The following CFAP61 variants were observed in gnomAD, a reference collection of about 807,000 sequenced individuals.
CFAP61 encodes the protein cilia and flagella associated protein 61.
Under a neutral mutation model 135.6 loss-of-function variants are expected in CFAP61, and 107 were observed. The ratio of observed to expected loss-of-function variants is 0.79; its 90% CI spans 0.67 to 0.93. The LOEUF (loss-of-function observed/expected upper bound fraction) is 0.93, where lower values mean the gene tolerates loss of function less well. Among genes scored for constraint, CFAP61 ranks in the 40% least tolerant of loss-of-function variants. The probability of loss-of-function intolerance (pLI) is 0.00; values close to 1 mark genes in which losing one functional copy is unlikely to be tolerated. For missense variants in CFAP61, 1,507 were observed against 1,556.2 expected, an observed-to-expected ratio of 0.97 and a Z score of 0.53; for synonymous variants, 575 against 578.5, an observed-to-expected ratio of 0.99 and a Z score of 0.09.
intron 20 of CFAP61, among the ~76,000 whole-genome samples, chr20:20,257,405 A>G (rs2051700264): frequency 6.6e-6 from 1 of 152,198 alleles, no homozygotes; most frequent in South Asian, 2.1e-4. Flanking sequence ...ACTTGAGGTC[A>G]GGAGTTCGAG....
At position 20,142,901 on chromosome 20, in the gene CFAP61, G is replaced by T; in HGVS notation, c.904G>T (p.Glu302Ter). 6.2e-7 allele frequency: 1 copy of T among 1,604,580 alleles called. No individual in the cohort carries two copies. The highest frequency in any genetic ancestry group is 8.5e-7 in the Non-Finnish European group (1 of 1,175,028). ...SSSQGSQKIV[E>*]ELQEPVSPDT... ...CAGCCAAGGTTCCCAAAAAATAGTC[G>T]AGGAGTTGCAGGAACCTGTCTCTCC... The change falls in exon 9 of 27, where the codon GAG becomes TAG. Residue 302 changes from glutamate to a stop codon, truncating the protein, a stop_gained. Coordinates refer to ENST00000245957, the MANE Select transcript of CFAP61 (RefSeq NM_015585.4). LOFTEE classifies it high-confidence loss of function.
intron 25 of CFAP61, among the ~76,000 whole-genome samples, chr20:20,332,041 C>T (rs1422622855): frequency 6.6e-6 from 1 of 152,196 alleles, no homozygotes; most frequent in Non-Finnish European, 1.5e-5. Flanking sequence ...GGCCAACTTC[C>T]AGGGCACTAG....
intron 15 of CFAP61, among the ~76,000 whole-genome samples, chr20:20,195,714 A>C (rs1457742846): frequency 6.6e-6 from 1 of 152,206 alleles, no homozygotes; most frequent in Non-Finnish European, 1.5e-5. Context: ...TAGAAGGTTT[A>C]AGAAGTGCAC....
chr20:20,347,944 A>AG (rs201197864), intron 26 of CFAP61, among the ~76,000 whole-genome samples: 2,958 of 151,334 alleles, frequency 0.02, 116 homozygotes, highest in African/African-American at 0.069. Context: ...AAAAAAAAAA[A>AG]AAAAAAAAAT....
At chr20:20,322,590 G>A (rs1338373273) in intron 25 of CFAP61, 2 of 590,252 alleles carry the variant, frequency 3.4e-6, no homozygotes, top group Non-Finnish European at 4.3e-6. Flanking sequence ...GGAGGAAAGA[G>A]GGAAGTGGTA....
intron 16 of CFAP61, among the ~76,000 whole-genome samples, chr20:20,198,371 T>G (rs1035455843): frequency 2.0e-5 from 3 of 152,166 alleles, no homozygotes; most frequent in Admixed American, 2.0e-4. Context: ...GCATCCATAA[T>G]AAAAATAATA....
chr20:20,086,148 CTTT>C (rs879817698), intron 6 of CFAP61, among the ~76,000 whole-genome samples: 3 of 142,598 alleles, frequency 2.1e-5, no homozygotes, highest in African/African-American at 7.8e-5. Flanking sequence ...TTGCCAGTTT[CTTT>C]TTTTTTTTTC....
chr20:20,185,420 G>A (rs1469258185), intron 13 of CFAP61, among the ~76,000 whole-genome samples: 1 of 148,976 alleles, frequency 6.7e-6, no homozygotes, highest in Non-Finnish European at 1.5e-5. Flanking sequence ...TGGAGGTCTT[G>A]AGAAGTCGTT....
rs1191005298 is a variant in CFAP61 at position 20,341,034 on chromosome 20, G to C, written c.3423-797G>C. ...GTGCCCATTCACGTGGGGGCACCAG[G>C]TTTTTCCTTCCCCTGTGCGCACACA... On this transcript the variant is annotated intron_variant, in intron 25 of 26. Transcript: ENST00000245957. Among the ~76,000 whole-genome samples the C allele has an allele frequency of 2.0e-5, 3 of 152,078 alleles. No individual in the cohort carries two copies. In the East Asian group the frequency reaches 5.8e-4, roughly 29 times the overall value.
At chr20:20,202,734 T>C (rs2056681885) in intron 17 of CFAP61, among the ~76,000 whole-genome samples, 1 of 152,086 alleles carries the variant, frequency 6.6e-6, no homozygotes, top group Admixed American at 6.5e-5. Context: ...GAATTTTCCC[T>C]TTAGGTTTCA....
At chr20:20,296,648 A>T (rs183799024) in intron 24 of CFAP61, among the ~76,000 whole-genome samples, 381 of 152,276 alleles carry the variant, frequency 2.5e-3, no homozygotes, top group African/African-American at 9.0e-3. Context: ...GAAGCTGCAG[A>T]TAGTCAAATA....
intron 15 of CFAP61, 71 bp from the exon 16 acceptor site, chr20:20,196,499 A>C (rs1199926516): frequency 1.0e-5 from 12 of 1,178,210 alleles, no homozygotes; most frequent in Non-Finnish European, 1.5e-5. Context: ...TTTTTAAAAG[A>C]TATTTATCAC....
chr20:20,106,754 T>C (rs1037950127), intron 8 of CFAP61, among the ~76,000 whole-genome samples: 2 of 152,298 alleles, frequency 1.3e-5, no homozygotes, highest in Admixed American at 6.5e-5. Context: ...ACCCTTTTAT[T>C]TGTTCTCTCT....
At chr20:20,346,940 A>C (rs1182796463) in intron 26 of CFAP61, among the ~76,000 whole-genome samples, 1 of 152,244 alleles carries the variant, frequency 6.6e-6, no homozygotes, top group Non-Finnish European at 1.5e-5. Flanking sequence ...TCTCTGTTCA[A>C]CAGTAGAATG....
At chr20:20,335,850 A>G (rs971388701) in intron 25 of CFAP61, among the ~76,000 whole-genome samples, 1 of 152,242 alleles carries the variant, frequency 6.6e-6, no homozygotes, top group African/African-American at 2.4e-5. Context: ...GACTCGGGAA[A>G]AAGCATAAGG....
At chr20:20,187,820 T>C (rs569546797) in intron 13 of CFAP61, 110 bp from the exon 14 acceptor site, 1 of 818,034 alleles carries the variant, frequency 1.2e-6, no homozygotes, top group African/African-American at 1.7e-5. Flanking sequence ...ATAAACATAC[T>C]TTACTGGATA....
intron 13 of CFAP61, among the ~76,000 whole-genome samples, chr20:20,183,425 G>A (rs781373852): frequency 2.0e-5 from 3 of 152,116 alleles, no homozygotes; most frequent in African/African-American, 7.2e-5. Flanking sequence ...GCCTCCCAAA[G>A]TGCTGGGATT....
intron 1 of CFAP61, chr20:20,052,877 T>A: frequency 1.4e-6 from 1 of 691,726 alleles, no homozygotes; most frequent in Non-Finnish European, 2.4e-6. Context: ...AGTCTCTGGG[T>A]CCACGCCCCC....
intron 20 of CFAP61, among the ~76,000 whole-genome samples, chr20:20,257,608 T>C (rs2051723494): frequency 8.3e-6 from 1 of 120,554 alleles, no homozygotes; most frequent in Admixed American, 9.8e-5. Context: ...AGCAAGACTG[T>C]CTCAAAAAAA....
Sources: gnomAD v4.1 joint callset for allele counts (sites outside exome capture counted in the v4.1 genomes callset) on GRCh38, gnomAD v4.1.1 for gene constraint, MANE v1.5 for transcripts, NCBI Gene and HGNC (gene_info 2026-07-23, HGNC 2026-07-21) for gene names.